Variants in SSBP2 observed in about 807,000 individuals in gnomAD.
SSBP2 encodes the protein single-stranded DNA-binding protein 2.
A neutral mutation model predicts 61.8 loss-of-function variants in SSBP2; 17 were observed. That is an observed-to-expected ratio of 0.28 (90% CI 0.19 to 0.41). The LOEUF is 0.41. SSBP2 is among the 10% of genes least tolerant of loss of function. The pLI is 1.00. For synonymous variants in SSBP2, 139 were observed against 141.3 expected, an observed-to-expected ratio of 0.98 and a Z score of 0.12; for missense variants, 310 against 458.7, an observed-to-expected ratio of 0.68 and a Z score of 2.96.
intron 9 of SSBP2, among the ~76,000 whole-genome samples, chr5:81,461,458 T>C (rs1034043791): frequency 3.9e-5 from 6 of 152,196 alleles, no homozygotes; most frequent in African/African-American, 1.2e-4. Context: ...ATATAAACCA[T>C]AACCTTGTGA....
chr5:81,549,371 T>C (rs1185421112), intron 4 of SSBP2, among the ~76,000 whole-genome samples: 1 of 152,210 alleles, frequency 6.6e-6, no homozygotes, highest in Non-Finnish European at 1.5e-5. Flanking sequence ...GTATCTTCCA[T>C]GAGTCCCATT....
intron 4 of SSBP2, among the ~76,000 whole-genome samples, chr5:81,602,648 CTTTT>C (rs1000667640): frequency 6.6e-6 from 1 of 152,008 alleles, no homozygotes; most frequent in Non-Finnish European, 1.5e-5. Context: ...CTCTGAGGCC[CTTTT>C]TTGCTTGAGA....
In SSBP2 at chr5:81,423,988, A is replaced by G. The variant is rs142602129; in HGVS notation, c.1057-3455T>C. ...TGTTTTAAGTCAATCTTACAGAAAA[A>G]TGATACTTTGTTACTGATTTGTTGG... On this transcript the variant is annotated intron_variant, in intron 16 of 16. Transcript: ENST00000320672. 2.5e-3 allele frequency among the ~76,000 whole-genome samples: 384 copies of G among 152,298 alleles called. 1 individual carries two copies. The highest frequency in any genetic ancestry group is 8.9e-3 in the African/African-American group (370 of 41,562).
intron 4 of SSBP2, among the ~76,000 whole-genome samples, chr5:81,592,328 A>G (rs1334833802): frequency 6.6e-6 from 1 of 152,204 alleles, no homozygotes; most frequent in Non-Finnish European, 1.5e-5. Context: ...TGATTAGGTA[A>G]ACAAAGCGGC....
chr5:81,429,627 A>AACTT (rs374816656), intron 15 of SSBP2, among the ~76,000 whole-genome samples: 1,653 of 152,310 alleles, frequency 0.011, 14 homozygotes, highest in Middle Eastern at 0.027. Flanking sequence ...TGGAAGAAAT[A>AACTT]ACTTACTTAC....
At chr5:81,560,830 G>A (rs567565823) in intron 4 of SSBP2, among the ~76,000 whole-genome samples, 1 of 152,068 alleles carries the variant, frequency 6.6e-6, no homozygotes, top group Admixed American at 6.5e-5. Context: ...AATAACATAT[G>A]ATGTTTTGAT....
intron 4 of SSBP2, among the ~76,000 whole-genome samples, chr5:81,607,672 A>C (rs1253357771): frequency 6.6e-6 from 1 of 152,144 alleles, no homozygotes; most frequent in East Asian, 1.9e-4. Context: ...TTTTTCCTAA[A>C]TTTGAATCCA....
intron 4 of SSBP2, among the ~76,000 whole-genome samples, chr5:81,591,870 G>A (rs192251902): frequency 2.1e-3 from 309 of 149,554 alleles, no homozygotes; most frequent in African/African-American, 4.0e-3. Context: ...CAAGATGGCC[G>A]AATAGGAACA....
At chr5:81,503,393 G>T (rs1767946275) in intron 5 of SSBP2, among the ~76,000 whole-genome samples, 1 of 152,160 alleles carries the variant, frequency 6.6e-6, no homozygotes, top group African/African-American at 2.4e-5. Context: ...GGGGGAGGTT[G>T]CAATGAGCTG....
chr5:81,586,966 C>T (rs573121974), intron 4 of SSBP2, among the ~76,000 whole-genome samples: 74 of 152,228 alleles, frequency 4.9e-4, no homozygotes, highest in Non-Finnish European at 7.8e-4. Context: ...CAAGTATTTT[C>T]TGAAGGAATT....
intron 6 of SSBP2, among the ~76,000 whole-genome samples, chr5:81,485,415 T>C (rs1020295389): frequency 2.0e-5 from 3 of 152,166 alleles, no homozygotes; most frequent in African/African-American, 7.2e-5. Context: ...ATGGATTTAA[T>C]CCAGAACCAT....
At chr5:81,449,489 C>T (rs548949695) in intron 10 of SSBP2, among the ~76,000 whole-genome samples, 1 of 152,238 alleles carries the variant, frequency 6.6e-6, no homozygotes, top group African/African-American at 2.4e-5. Context: ...TATTAAGATG[C>T]TGTACATCCA....
At chr5:81,677,391 A>G (rs528365049) in intron 1 of SSBP2, among the ~76,000 whole-genome samples, 1 of 152,290 alleles carries the variant, frequency 6.6e-6, no homozygotes, top group South Asian at 2.1e-4. Context: ...ACAGCTTACC[A>G]TAAGAAACAA....
chr5:81,438,945 A>G (rs1762840603), intron 14 of SSBP2, among the ~76,000 whole-genome samples: 1 of 152,218 alleles, frequency 6.6e-6, no homozygotes, highest in African/African-American at 2.4e-5. Context: ...TGAAGAACTG[A>G]ATTTTAAAAT....
At chr5:81,693,647 A>G (rs1753383241) in intron 1 of SSBP2, among the ~76,000 whole-genome samples, 1 of 152,242 alleles carries the variant, frequency 6.6e-6, no homozygotes, top group South Asian at 2.1e-4. Context: ...CACTTCAGTT[A>G]AAACAGCTTT....
intron 4 of SSBP2, among the ~76,000 whole-genome samples, chr5:81,532,081 C>G (rs1770455814): frequency 6.6e-6 from 1 of 152,042 alleles, no homozygotes; most frequent in Non-Finnish European, 1.5e-5. Flanking sequence ...AAGTTATCAA[C>G]TGATCAGTGA....
At chr5:81,627,678 T>G (rs894530164) in intron 3 of SSBP2, among the ~76,000 whole-genome samples, 1 of 152,192 alleles carries the variant, frequency 6.6e-6, no homozygotes, top group Non-Finnish European at 1.5e-5. Flanking sequence ...TTCTCTACAA[T>G]GTTATATATA....
At chr5:81,632,980 C>T (rs1747868234) in intron 3 of SSBP2, among the ~76,000 whole-genome samples, 1 of 152,080 alleles carries the variant, frequency 6.6e-6, no homozygotes, top group South Asian at 2.1e-4. Flanking sequence ...ATTCTGATTA[C>T]TTTACCTTGC....
At chr5:81,485,400 C>A (rs1189214240) in intron 6 of SSBP2, among the ~76,000 whole-genome samples, 1 of 152,008 alleles carries the variant, frequency 6.6e-6, no homozygotes, top group Non-Finnish European at 1.5e-5. Flanking sequence ...AGAATATACA[C>A]CCTTATGGAT....
Sources: gnomAD v4.1 joint callset for allele counts (sites outside exome capture counted in the v4.1 genomes callset) on GRCh38, gnomAD v4.1.1 for gene constraint, MANE v1.5 for transcripts, NCBI Gene and HGNC (gene_info 2026-07-23, HGNC 2026-07-21) for gene names.